Variants in ZMYM2 observed in about 807,000 individuals in gnomAD.
The protein encoded by ZMYM2 is zinc finger MYM-type protein 2.
In ZMYM2, 56 loss-of-function variants were observed where a neutral mutation model predicts 162.8. That is an observed-to-expected ratio of 0.34 (90% CI 0.28 to 0.43). ZMYM2 has a LOEUF of 0.43. ZMYM2 is among the 20% of genes least tolerant of loss of function. The pLI, the probability that ZMYM2 is intolerant of heterozygous loss-of-function variation, is 1.00. For missense variants in ZMYM2, 1,275 were observed against 1,621.8 expected, an observed-to-expected ratio of 0.79 and a Z score of 3.67; for synonymous variants, 510 against 541.6, an observed-to-expected ratio of 0.94 and a Z score of 0.81.
At chr13:20,011,349 A>G (rs371126924) in intron 6 of ZMYM2, among the ~76,000 whole-genome samples, 2 of 152,200 alleles carry the variant, frequency 1.3e-5, no homozygotes, top group East Asian at 3.9e-4. Context: ...CTTACATTCA[A>G]ACAATCCACA....
At chr13:19,957,385 C>T (rs568510991), upstream of ZMYM2, among the ~76,000 whole-genome samples, 9 of 152,218 alleles carry the variant, frequency 5.9e-5, no homozygotes, top group Non-Finnish European at 1.3e-4. Context: ...AACCAACATC[C>T]TCAGTTGTAA....
chr13:19,980,681 A>G (rs961873826), intron 2 of ZMYM2, among the ~76,000 whole-genome samples: 5 of 135,104 alleles, frequency 3.7e-5, no homozygotes, highest in Admixed American at 2.5e-4. Context: ...TGAACCCAGG[A>G]GGTGAAGTTT....
chr13:19,981,433 C>T (rs1312641943), intron 2 of ZMYM2, among the ~76,000 whole-genome samples: 1 of 152,136 alleles, frequency 6.6e-6, no homozygotes, highest in East Asian at 1.9e-4. Flanking sequence ...GCTCTGGAGT[C>T]CTTTTAACTC....
Position 20,048,051 on chromosome 13 carries a change from G to T in ZMYM2, c.2293-3382G>T, listed in dbSNP as rs147037152. Among the ~76,000 whole-genome samples the T allele has an allele frequency of 6.3e-3, 965 of 152,018 alleles. 14 individuals are homozygous for T. The highest frequency in any genetic ancestry group is 0.014 in the Middle Eastern group (4 of 294). On this transcript the variant is annotated intron_variant, in intron 12 of 24. Coordinates refer to ENST00000610343, the MANE Select transcript of ZMYM2 (RefSeq NM_197968.4). Reference sequence around the variant, plus strand: ...ATTGGTAAAGATAATATTTCAAAAGGTCCACTGTTTCCCAAGAGTATCTCT... The same window carrying T: ...ATTGGTAAAGATAATATTTCAAAAGTTCCACTGTTTCCCAAGAGTATCTCT...
the ZMYM2 span, among the ~76,000 whole-genome samples, chr13:19,871,946 A>G: frequency 6.6e-6 from 1 of 152,034 alleles, no homozygotes; most frequent in Non-Finnish European, 1.5e-5. Flanking sequence ...AATTTTAAGC[A>G]GACTCATGTA....
At chr13:19,937,744 C>T in the ZMYM2 span, among the ~76,000 whole-genome samples, 7 of 149,710 alleles carry the variant, frequency 4.7e-5, no homozygotes, top group African/African-American at 7.4e-5. Flanking sequence ...CCCATTAACT[C>T]GTCATTTAGC....
the ZMYM2 span, among the ~76,000 whole-genome samples, chr13:19,905,011 T>C: frequency 3.4e-3 from 506 of 150,164 alleles, 1 homozygote; most frequent in African/African-American, 0.012. Flanking sequence ...TTTCAATTTT[T>C]TTTTTTTTTT....
At chr13:19,890,505 T>TAAAAAAAAAAAAAAAAAAAAA in the ZMYM2 span, among the ~76,000 whole-genome samples, 10 of 98,458 alleles carry the variant, frequency 1.0e-4, no homozygotes, top group African/African-American at 3.9e-4. Flanking sequence ...AGTGCTTTTG[T>TAAAAAAAAAAAAAAAAAAAAA]AAAAAAAAAA....
the ZMYM2 span, among the ~76,000 whole-genome samples, chr13:19,881,818 C>T: frequency 6.2e-4 from 93 of 150,980 alleles, no homozygotes; most frequent in African/African-American, 2.0e-3. Flanking sequence ...AACCCCGTCT[C>T]TATTCTAAAT....
At chr13:20,056,923 AT>A (rs1195888635) in intron 14 of ZMYM2, among the ~76,000 whole-genome samples, 1 of 152,132 alleles carries the variant, frequency 6.6e-6, no homozygotes, top group African/African-American at 2.4e-5. Context: ...GGCTGACACA[AT>A]TTTTGGAGCC....
chr13:19,871,591 A>G, the ZMYM2 span, among the ~76,000 whole-genome samples: 1 of 152,076 alleles, frequency 6.6e-6, no homozygotes, highest in Admixed American at 6.6e-5. Context: ...CACCTTACAT[A>G]TGGAATCATT....
chr13:19,864,946 G>C, the ZMYM2 span: 2 of 152,286 alleles, frequency 1.3e-5, no homozygotes, highest in Admixed American at 6.5e-5. Context: ...GTCTCGCCCT[G>C]GCGGTTCTTA....
intron 7 of ZMYM2, 118 bp from the exon 8 acceptor site, chr13:20,026,494 C>T (rs1308693030): frequency 2.0e-6 from 2 of 994,728 alleles, no homozygotes; most frequent in African/African-American, 3.3e-5. Flanking sequence ...TGACTCTAAA[C>T]CTGTTTAGAG....
At chr13:19,907,685 C>T in the ZMYM2 span, among the ~76,000 whole-genome samples, 1 of 130,496 alleles carries the variant, frequency 7.7e-6, no homozygotes, top group Admixed American at 9.7e-5. Context: ...TTGCTTGAAC[C>T]CGGGAATCGG....
intron 14 of ZMYM2, among the ~76,000 whole-genome samples, chr13:20,056,865 A>G (rs946191513): frequency 1.8e-4 from 27 of 152,144 alleles, no homozygotes; most frequent in African/African-American, 6.0e-4. Flanking sequence ...TACTGAGAAC[A>G]TGCCTTGAGA....
chr13:19,883,471 G>A, the ZMYM2 span, among the ~76,000 whole-genome samples: 3 of 152,124 alleles, frequency 2.0e-5, no homozygotes, highest in Non-Finnish European at 4.4e-5. Flanking sequence ...ATCTGACAGA[G>A]AATTAGACAA....
chr13:19,996,436 A>AT (rs1329706418), intron 3 of ZMYM2, among the ~76,000 whole-genome samples: 3 of 151,960 alleles, frequency 2.0e-5, no homozygotes, highest in Non-Finnish European at 4.4e-5. Context: ...TAAAAAAAAA[A>AT]CTAGCCAGGG....
the ZMYM2 span, among the ~76,000 whole-genome samples, chr13:19,933,703 G>A: frequency 6.6e-6 from 1 of 152,128 alleles, no homozygotes; most frequent in African/African-American, 2.4e-5. Flanking sequence ...AGCTGTCCTG[G>A]CCCTTCAGAG....
intron 6 of ZMYM2, among the ~76,000 whole-genome samples, chr13:20,010,990 G>T (rs894317322): frequency 6.6e-6 from 1 of 151,972 alleles, no homozygotes; most frequent in Admixed American, 6.5e-5. Flanking sequence ...AGGGGATACA[G>T]AGTGATGTTT....
Sources: gnomAD v4.1 joint callset for allele counts (sites outside exome capture counted in the v4.1 genomes callset) on GRCh38, gnomAD v4.1.1 for gene constraint, MANE v1.5 for transcripts, NCBI Gene and HGNC (gene_info 2026-07-23, HGNC 2026-07-21) for gene names.